ATP8B4: variants seen among roughly 807,000 people sequenced by gnomAD.
The protein encoded by ATP8B4 is probable phospholipid-transporting ATPase IM.
ATP8B4 carries 133 observed loss-of-function variants against 145.6 expected under a neutral mutation model. The ratio of observed to expected loss-of-function variants is 0.91; its 90% CI spans 0.79 to 1.05. The LOEUF (loss-of-function observed/expected upper bound fraction) is 1.05, where lower values mean the gene tolerates loss of function less well. Ranked by LOEUF, ATP8B4 falls within the 50% of genes least tolerant of loss-of-function variation. The probability of loss-of-function intolerance (pLI) is 0.00; values close to 1 mark genes in which losing one functional copy is unlikely to be tolerated. For synonymous variants in ATP8B4, 507 were observed against 492.9 expected, an observed-to-expected ratio of 1.03 and a Z score of -0.38; for missense variants, 1,458 against 1,425.2, an observed-to-expected ratio of 1.02 and a Z score of -0.37.
chr15:49,934,228 A>T (rs1414434565), intron 14 of ATP8B4, 46 bp from the exon 15 acceptor site: 8 of 1,543,930 alleles, frequency 5.2e-6, no homozygotes, highest in Non-Finnish European at 7.0e-6. Context: ...CCTCATTCCA[A>T]TAATTATCTT....
chr15:49,966,696 G>A (rs2044579697), intron 13 of ATP8B4, among the ~76,000 whole-genome samples: 1 of 152,210 alleles, frequency 6.6e-6, no homozygotes, highest in African/African-American at 2.4e-5. Flanking sequence ...CGCAGCGTCA[G>A]CAGAATTATA....
intron 16 of ATP8B4, among the ~76,000 whole-genome samples, chr15:49,927,111 C>A (rs2040793894): frequency 1.3e-5 from 2 of 151,926 alleles, no homozygotes; most frequent in Non-Finnish European, 2.9e-5. Context: ...TTGGTCCTTC[C>A]AAAACTATAT....
At chr15:50,044,731 T>G in intron 4 of ATP8B4, 39 bp from the exon 5 acceptor site, 2 of 1,407,226 alleles carry the variant, frequency 1.4e-6, no homozygotes, top group Non-Finnish European at 1.0e-6. Context: ...GCTTTTAAAG[T>G]TAGAAAATAT....
chr15:50,039,243 T>C (rs1243627485), intron 5 of ATP8B4, among the ~76,000 whole-genome samples: 7 of 152,276 alleles, frequency 4.6e-5, no homozygotes, highest in African/African-American at 9.6e-5. Flanking sequence ...GTTTTATGGA[T>C]TTCTTTGAAG....
chr15:50,043,038 A>G lies in ATP8B4; in HGVS notation c.300+1556T>C, dbSNP rs1213127937. Among the ~76,000 whole-genome samples, 3 of 152,352 alleles carry G rather than the reference A, an allele frequency of 2.0e-5. No homozygotes were observed. In the East Asian group the frequency reaches 5.8e-4, roughly 29 times the overall value. On this transcript the variant is annotated intron_variant, in intron 5 of 27. Coordinates refer to ENST00000284509, the MANE Select transcript of ATP8B4 (RefSeq NM_024837.4). ...TTATTAAAAATTATTAGCCTACTAT[A>G]TATGCTGTCTACAAGAAAACCATTT...
intron 1 of ATP8B4, among the ~76,000 whole-genome samples, chr15:50,138,757 T>C (rs1371431100): frequency 6.6e-6 from 1 of 152,242 alleles, no homozygotes; most frequent in East Asian, 1.9e-4. Context: ...TTCTTATCTT[T>C]TTCTCCCTTT....
chr15:49,874,079 T>C (rs1388713111), intron 25 of ATP8B4, among the ~76,000 whole-genome samples: 2 of 152,176 alleles, frequency 1.3e-5, no homozygotes, highest in Non-Finnish European at 2.9e-5. Context: ...TCAAGAAATA[T>C]CCATTGTGTG....
chr15:49,928,600 G>C (rs996056315), intron 16 of ATP8B4, among the ~76,000 whole-genome samples: 1 of 151,912 alleles, frequency 6.6e-6, no homozygotes, highest in Non-Finnish European at 1.5e-5. Flanking sequence ...AGAATATCCT[G>C]GTGACAGCAT....
chr15:49,901,383 C>A, intron 20 of ATP8B4, 144 bp from the exon 21 acceptor site: 1 of 855,010 alleles, frequency 1.2e-6, no homozygotes, highest in Non-Finnish European at 1.7e-6. Context: ...AGTAAGCAAG[C>A]TGGATAATTC....
At chr15:49,943,881 G>A (rs2042358513) in intron 14 of ATP8B4, among the ~76,000 whole-genome samples, 1 of 152,188 alleles carries the variant, frequency 6.6e-6, no homozygotes, top group Admixed American at 6.5e-5. Context: ...AAAGCTGACA[G>A]ACCAAACTAT....
intron 23 of ATP8B4, chr15:49,879,744 C>A (rs117791308): frequency 4.0e-6 from 1 of 250,744 alleles, no homozygotes; most frequent in Admixed American, 5.3e-5. Context: ...TAACATAGTG[C>A]GGGACACGTA....
intron 7 of ATP8B4, among the ~76,000 whole-genome samples, chr15:50,002,474 C>T (rs1354352390): frequency 6.6e-6 from 1 of 152,076 alleles, no homozygotes; most frequent in African/African-American, 2.4e-5. Flanking sequence ...AATTAATAGC[C>T]ACTTGATTCA....
chr15:50,172,241 T>G (rs1218182420), intron 1 of ATP8B4, among the ~76,000 whole-genome samples: 1 of 152,204 alleles, frequency 6.6e-6, no homozygotes, highest in Non-Finnish European at 1.5e-5. Flanking sequence ...GCAACCTCCC[T>G]GCCTGATTCT....
chr15:50,163,282 T>C (rs370672680), intron 1 of ATP8B4, among the ~76,000 whole-genome samples: 1 of 152,220 alleles, frequency 6.6e-6, no homozygotes, highest in Non-Finnish European at 1.5e-5. Flanking sequence ...TTCCAAGTAT[T>C]CCAAGGCACT....
At chr15:49,904,017 T>C (rs1207238142) in intron 20 of ATP8B4, among the ~76,000 whole-genome samples, 2 of 152,184 alleles carry the variant, frequency 1.3e-5, no homozygotes, top group Non-Finnish European at 2.9e-5. Context: ...GAAACCTGGG[T>C]TCAGACTGCC....
At chr15:50,043,622 T>C (rs2051478676) in intron 5 of ATP8B4, among the ~76,000 whole-genome samples, 1 of 152,226 alleles carries the variant, frequency 6.6e-6, no homozygotes, top group Non-Finnish European at 1.5e-5. Flanking sequence ...ATAATTTTCT[T>C]AATAACATTT....
At chr15:50,145,649 C>T (rs28550188) in intron 1 of ATP8B4, among the ~76,000 whole-genome samples, 13,478 of 152,096 alleles carry the variant, frequency 0.089, 733 homozygotes, top group African/African-American at 0.14. Context: ...CTCTCTTCAC[C>T]GCCACTCTCA....
At chr15:49,871,240 G>A (rs1409146366) in intron 25 of ATP8B4, among the ~76,000 whole-genome samples, 1 of 152,174 alleles carries the variant, frequency 6.6e-6, no homozygotes, top group African/African-American at 2.4e-5. Context: ...ATGAGATAAT[G>A]GGATTATCCC....
chr15:50,062,074 G>C (rs545372507), intron 3 of ATP8B4, among the ~76,000 whole-genome samples: 3 of 152,206 alleles, frequency 2.0e-5, no homozygotes, highest in East Asian at 3.9e-4. Context: ...TAAGTGTCTA[G>C]AGCATTTAAC....
Sources: gnomAD v4.1 joint callset for allele counts (sites outside exome capture counted in the v4.1 genomes callset) on GRCh38, gnomAD v4.1.1 for gene constraint, MANE v1.5 for transcripts, NCBI Gene and HGNC (gene_info 2026-07-23, HGNC 2026-07-21) for gene names.